The following PLXNA4 variants were observed in gnomAD, a reference collection of about 807,000 sequenced individuals.
PLXNA4 encodes plexin-A4.
PLXNA4 carries 44 observed loss-of-function variants against 191.8 expected under a neutral mutation model. That is an observed-to-expected ratio of 0.23 (90% CI 0.18 to 0.29). The LOEUF (loss-of-function observed/expected upper bound fraction) is 0.29. PLXNA4 is among the 10% of genes least tolerant of loss of function. PLXNA4 has a pLI of 1.00. For missense variants in PLXNA4, 1,800 were observed against 2,488.8 expected (o/e 0.72, Z 5.89); for synonymous variants, 1,082 against 1,009.5 (o/e 1.07, Z -1.36).
intron 3 of PLXNA4, among the ~76,000 whole-genome samples, chr7:132,352,889 G>C (rs1328959771): frequency 1.3e-5 from 2 of 152,068 alleles, no homozygotes; most frequent in Admixed American, 6.6e-5. Context: ...GACCTCACCA[G>C]TCAAGTACGT....
At chr7:132,443,294 G>C (rs937706243) in intron 3 of PLXNA4, among the ~76,000 whole-genome samples, 1 of 152,128 alleles carries the variant, frequency 6.6e-6, no homozygotes, top group Non-Finnish European at 1.5e-5. Context: ...CGTCCTCTGT[G>C]GGGGAACTTT....
rs370481755 is a variant in PLXNA4, at chr7:132,421,578, GTT to G, written c.1371+67712_1371+67713del. Among the ~76,000 whole-genome samples the G allele has an allele frequency of 2.0e-5, 3 of 146,638 alleles. No individual in the cohort carries two copies. The South Asian group carries it at 6.5e-4, about 32-fold the overall frequency. ...GCTGCTTCTTTACTTTATTGCTAAA[GTT>G]TTTTTTTTTTACCACAGCTTCAGTT... On this transcript the variant is annotated intron_variant, in intron 3 of 31. Coordinates refer to ENST00000321063, the MANE Select transcript of PLXNA4 (RefSeq NM_020911.2).
intron 1 of PLXNA4, among the ~76,000 whole-genome samples, chr7:132,522,626 G>A (rs1799235984): frequency 6.6e-6 from 1 of 152,168 alleles, no homozygotes; most frequent in African/African-American, 2.4e-5. Flanking sequence ...ACAAAAATTA[G>A]CCAGGCATGG....
At chr7:132,561,727 CTTCCTCCTCCTCCTCCTTCTT>C in intron 1 of PLXNA4, among the ~76,000 whole-genome samples, 2 of 134,542 alleles carry the variant, frequency 1.5e-5, no homozygotes, top group African/African-American at 3.0e-5. Flanking sequence ...TTCTCCTCCT[CTTCCTCCTCCTCCTCCTTCTT>C]CTCCTCCTCC....
chr7:132,237,487 G>A (rs1392179763), intron 5 of PLXNA4, among the ~76,000 whole-genome samples: 1 of 152,194 alleles, frequency 6.6e-6, no homozygotes, highest in Admixed American at 6.5e-5. Context: ...ACTCTGAGAG[G>A]GAGGGAGGAT....
At chr7:132,178,384 C>A (rs866266486) in intron 20 of PLXNA4, among the ~76,000 whole-genome samples, 1 of 152,136 alleles carries the variant, frequency 6.6e-6, no homozygotes, top group African/African-American at 2.4e-5. Context: ...GGGTGCTCGG[C>A]CCACAGGGAG....
rs61558589 is a variant in PLXNA4, at chr7:132,608,082, C to T, written c.-87+37846G>A. ...TCACTATCACCATCACCACCATCAC[C>T]ACCATCATCCTCATCACTATCACCA... On this transcript the variant is annotated intron_variant, in intron 2 of 4. Transcript: ENST00000378539. Among the ~76,000 whole-genome samples, 18 of 2,968 alleles carry T rather than the reference C, an allele frequency of 6.1e-3. 1 individual carries two copies. The highest frequency in any genetic ancestry group is 0.012 in the African/African-American group (11 of 908). The allele number at this position is 2,968 out of a possible 152,430, so 1.9% of individuals were successfully genotyped here.
intron 3 of PLXNA4, among the ~76,000 whole-genome samples, chr7:132,425,531 A>T (rs1055088972): frequency 2.0e-5 from 3 of 151,728 alleles, no homozygotes; most frequent in Non-Finnish European, 4.4e-5. Context: ...ACCCTCCCTC[A>T]TCAGATCCCC....
chr7:132,343,182 T>C (rs368765151), intron 3 of PLXNA4, among the ~76,000 whole-genome samples: 27 of 152,192 alleles, frequency 1.8e-4, no homozygotes, highest in African/African-American at 6.5e-4. Flanking sequence ...CAAATTAGAC[T>C]GGGTGAGATC....
intron 1 of PLXNA4, among the ~76,000 whole-genome samples, chr7:132,540,743 G>A (rs547858026): frequency 7.8e-4 from 117 of 149,582 alleles, no homozygotes; most frequent in East Asian, 5.9e-4. Context: ...GCCCGCCACC[G>A]CGCCCGGCTA....
Position 132,129,945 on chromosome 7 carries a change from G to A in PLXNA4, c.*534C>T, listed in dbSNP as rs754188560. On this transcript the variant is annotated 3_prime_UTR_variant, in exon 32 of 32. Transcript: ENST00000321063. ...GCCTTTCTTCTCACAGCTGCAAAGC[G>A]ATCAGACCACTGGCTGAACCACTGG... 19 of 158,726 alleles carry A rather than the reference G, an allele frequency of 1.2e-4. No homozygotes were observed. Among genetic ancestry groups the A allele is most frequent in the Non-Finnish European group, 9.8e-5 (7 of 71,490 alleles). 9.8% of individuals were successfully genotyped at this position (158,726 alleles called of 1,614,324 possible).
chr7:132,210,856 G>A (rs2116900196), intron 10 of PLXNA4, 87 bp downstream of exon 10: 1 of 1,439,720 alleles, frequency 6.9e-7, no homozygotes, highest in Non-Finnish European at 9.6e-7. Flanking sequence ...CGACTGCAGG[G>A]CTGAGCTGAT....
At chr7:132,132,220 T>C (rs1346658674) in intron 31 of PLXNA4, among the ~76,000 whole-genome samples, 1 of 152,154 alleles carries the variant, frequency 6.6e-6, no homozygotes, top group African/African-American at 2.4e-5. Flanking sequence ...TCAGAAGATG[T>C]CTGAGGGGCC....
rs772827815 is a variant in PLXNA4, at chr7:132,203,369, G to A, written c.2349C>T (p.Val783=). The change falls in exon 11 of 32, where the codon GTC becomes GTT. Residue 783 remains valine, a synonymous_variant. Coordinates refer to ENST00000321063, the MANE Select transcript of PLXNA4 (RefSeq NM_020911.2). ...CAATGTTGAAGTGCCCATTCCACACGACTGTCAACTCCACGGGCAGGTTGT... is the reference window on the plus strand; with the variant it reads ...CAATGTTGAAGTGCCCATTCCACACAACTGTCAACTCCACGGGCAGGTTGT... ...EINNLPVELT[V]VWNGHFNIDN... is the part of the protein sequence containing the mutation. 56 of 1,613,878 alleles carry A rather than the reference G, an allele frequency of 3.5e-5. No homozygotes were observed. Among genetic ancestry groups the A allele is most frequent in the Non-Finnish European group, 4.5e-5 (53 of 1,180,006 alleles).
chr7:132,303,441 C>A (rs529537768), intron 3 of PLXNA4, among the ~76,000 whole-genome samples: 2 of 151,652 alleles, frequency 1.3e-5, no homozygotes, highest in African/African-American at 4.8e-5. Flanking sequence ...TGGCGGTGGG[C>A]GCCTGTAGTC....
intron 21 of PLXNA4, among the ~76,000 whole-genome samples, chr7:132,172,656 A>G (rs1796324318): frequency 1.3e-5 from 2 of 152,306 alleles, no homozygotes; most frequent in South Asian, 4.1e-4. Flanking sequence ...TGGATCTCAC[A>G]TAGCCCCCGG....
At chr7:132,457,420 C>A (rs1425200973) in intron 3 of PLXNA4, among the ~76,000 whole-genome samples, 1 of 152,228 alleles carries the variant, frequency 6.6e-6, no homozygotes, top group African/African-American at 2.4e-5. Context: ...CATCCATCAA[C>A]CTTCCCTCAC....
intron 20 of PLXNA4, among the ~76,000 whole-genome samples, chr7:132,175,908 ATT>A (rs914325488): frequency 6.6e-6 from 1 of 150,946 alleles, no homozygotes; most frequent in Non-Finnish European, 1.5e-5. Context: ...ATTTCTTTCT[ATT>A]TACATAATCT....
chr7:132,355,861 A>G (rs1390210230), intron 3 of PLXNA4, among the ~76,000 whole-genome samples: 1 of 152,080 alleles, frequency 6.6e-6, no homozygotes, highest in Non-Finnish European at 1.5e-5. Flanking sequence ...TCATTTTGTA[A>G]AGTGTACGAG....
Sources: gnomAD v4.1 joint callset for allele counts (sites outside exome capture counted in the v4.1 genomes callset) on GRCh38, gnomAD v4.1.1 for gene constraint, MANE v1.5 for transcripts, NCBI Gene and HGNC (gene_info 2026-07-23, HGNC 2026-07-21) for gene names.